The following SEH1L variants were observed in gnomAD, a reference collection of about 807,000 sequenced individuals.
SEH1L encodes the protein nucleoporin SEH1.
In SEH1L, 18 loss-of-function variants were observed where a neutral mutation model predicts 49.5. The observed-to-expected ratio is 0.36, with a 90% confidence interval of 0.25 to 0.54. The LOEUF (loss-of-function observed/expected upper bound fraction) is 0.54. Ranked by LOEUF, SEH1L falls within the 20% of genes least tolerant of loss-of-function variation. The probability of loss-of-function intolerance (pLI) is 0.87; values close to 1 mark genes in which losing one functional copy is unlikely to be tolerated. For missense variants in SEH1L, 404 were observed against 528.8 expected (o/e 0.76, Z 2.31); for synonymous variants, 169 against 178.1 (o/e 0.95, Z 0.41).
chr18:12,985,261 T>C (rs2032417189), intron 8 of SEH1L: 1 of 1,608,648 alleles, frequency 6.2e-7, no homozygotes, highest in African/African-American at 1.3e-5. Context: ...GAGTACAAGC[T>C]AACTGGAGTA....
intron 4 of SEH1L, among the ~76,000 whole-genome samples, chr18:12,970,673 C>T (rs1017691697): frequency 1.3e-5 from 2 of 152,168 alleles, no homozygotes; most frequent in Non-Finnish European, 2.9e-5. Flanking sequence ...GATCCTCTCT[C>T]CTGAGTCTCT....
intron 2 of SEH1L, among the ~76,000 whole-genome samples, chr18:12,953,374 G>A (rs1163359388): frequency 1.3e-5 from 2 of 152,200 alleles, no homozygotes; most frequent in Non-Finnish European, 2.9e-5. Context: ...AGATGCGTAG[G>A]AGTGGAATTG....
chr18:12,954,474 A>AT (rs955499282), intron 2 of SEH1L, among the ~76,000 whole-genome samples: 68 of 151,568 alleles, frequency 4.5e-4, no homozygotes, highest in Non-Finnish European at 5.9e-4. Flanking sequence ...GAAGCAAATA[A>AT]TTTTTTTTTG....
chr18:12,949,016 ATC>A (rs1568205763), intron 1 of SEH1L, among the ~76,000 whole-genome samples: 3 of 149,788 alleles, frequency 2.0e-5, no homozygotes, highest in African/African-American at 7.5e-5. Flanking sequence ...CCCCCGGCTA[ATC>A]TTTTTTTTTT....
chr18:12,981,539 A>C (rs1321745205), intron 6 of SEH1L, among the ~76,000 whole-genome samples: 1 of 152,262 alleles, frequency 6.6e-6, no homozygotes, highest in Non-Finnish European at 1.5e-5. Flanking sequence ...CTTTTAAATT[A>C]ATGTCATTTT....
At chr18:12,965,296 G>A (rs1269454795) in intron 4 of SEH1L, among the ~76,000 whole-genome samples, 1 of 152,192 alleles carries the variant, frequency 6.6e-6, no homozygotes, top group East Asian at 1.9e-4. Flanking sequence ...ACAGGCATGA[G>A]CCACCTCGCC....
intron 6 of SEH1L, among the ~76,000 whole-genome samples, chr18:12,981,339 G>A (rs956883730): frequency 4.0e-5 from 6 of 151,436 alleles, no homozygotes; most frequent in Non-Finnish European, 7.4e-5. Context: ...GCACTTTGGG[G>A]GGCCAAGGCA....
At chr18:12,951,378 A>G (rs938398290) in intron 1 of SEH1L, among the ~76,000 whole-genome samples, 6 of 152,038 alleles carry the variant, frequency 3.9e-5, no homozygotes, top group African/African-American at 1.4e-4. Flanking sequence ...CCAGTGCTTG[A>G]CACATTCAAG....
intron 6 of SEH1L, among the ~76,000 whole-genome samples, chr18:12,980,920 G>T (rs1344562789): frequency 6.7e-6 from 1 of 148,444 alleles, no homozygotes; most frequent in African/African-American, 2.5e-5. Flanking sequence ...CGGGCGGGGG[G>T]CTGACCCCCA....
rs769677753 is a variant in SEH1L at position 12,948,236 on chromosome 18, C to A, written c.111+4C>A. The A allele has an allele frequency of 1.6e-5, 26 of 1,606,620 alleles. No individual in the cohort carries two copies. Among genetic ancestry groups the A allele is most frequent in the Non-Finnish European group, 2.1e-5 (25 of 1,176,014 alleles). The stretch of plus-strand genomic sequence containing the variant: ...CTCCAGCGATCAGAGCGTTAAGGTG[C>A]GCGCGGCGCTTGCGGGCGGGGCCGA... On this transcript the variant is annotated splice_donor_region_variant and intron_variant, in intron 1 of 8. Coordinates refer to ENST00000399892, the MANE Select transcript of SEH1L (RefSeq NM_001013437.2).
intron 1 of SEH1L, chr18:12,948,801 G>C (rs1322268187): frequency 6.6e-6 from 1 of 151,402 alleles, no homozygotes; most frequent in African/African-American, 2.4e-5. Flanking sequence ...GTTTCTTGAA[G>C]TTCCCGTAAA....
In SEH1L at chr18:12,950,333, G is replaced by GCC. The variant is rs1233441051; in HGVS notation, c.112-1520_112-1519dup. 2.6e-5 allele frequency among the ~76,000 whole-genome samples: 4 copies of GCC among 152,236 alleles called. No individual in the cohort carries two copies. In the South Asian group the frequency reaches 8.3e-4, roughly 32 times the overall value. The stretch of plus-strand genomic sequence containing the variant: ...TTACAGGTGTGAGTCACCTTGCCCA[G>GCC]CCCTCTTAGGTCCATTTATTCCAGA... On this transcript the variant is annotated intron_variant, in intron 1 of 8. Coordinates refer to ENST00000399892, the MANE Select transcript of SEH1L (RefSeq NM_001013437.2).
intron 1 of SEH1L, among the ~76,000 whole-genome samples, chr18:12,949,015 AATC>A (rs2030315589): frequency 1.3e-5 from 2 of 151,292 alleles, no homozygotes; most frequent in African/African-American, 2.4e-5. Flanking sequence ...ACCCCCGGCT[AATC>A]TTTTTTTTTT....
intron 3 of SEH1L, among the ~76,000 whole-genome samples, chr18:12,962,389 AAT>A (rs2031219551): frequency 2.0e-5 from 3 of 148,356 alleles, no homozygotes; most frequent in African/African-American, 5.1e-5. Context: ...AAAAAAAAAA[AAT>A]AATAATAATA....
chr18:12,961,279 A>C (rs1390547436), intron 3 of SEH1L, among the ~76,000 whole-genome samples: 2 of 151,972 alleles, frequency 1.3e-5, no homozygotes, highest in African/African-American at 2.4e-5. Flanking sequence ...CAGTCATCCA[A>C]CTCCTCAGAT....
chr18:12,971,224 A>G lies in SEH1L; in HGVS notation c.593A>G (p.Gln198Arg). 2 of 1,613,382 alleles carry G rather than the reference A, an allele frequency of 1.2e-6. No individual in the cohort carries two copies. Among genetic ancestry groups the G allele is most frequent in the Non-Finnish European group, 1.7e-6 (2 of 1,179,290 alleles). ...DSSPNAMAKV[Q>R]IFEYNENTRK... ...AGCCCCAACGCAATGGCCAAGGTTC[A>G]GATTTTTGAATATAATGAAAACACC... Residue 198 changes from glutamine (Q) to arginine (R), a missense_variant, in exon 5 of 9, where the codon CAG becomes CGG. By Grantham distance (43) the Gln-to-Arg change is conservative. Coordinates refer to ENST00000399892, the MANE Select transcript of SEH1L (RefSeq NM_001013437.2).
At chr18:12,962,110 T>A (rs931361638) in intron 3 of SEH1L, among the ~76,000 whole-genome samples, 2 of 152,116 alleles carry the variant, frequency 1.3e-5, no homozygotes, top group Non-Finnish European at 2.9e-5. Flanking sequence ...TAAAAGTGCA[T>A]GGTAGCTGGG....
At chr18:12,965,417 GATTCTA>G (rs1207872478) in intron 4 of SEH1L, among the ~76,000 whole-genome samples, 4 of 152,104 alleles carry the variant, frequency 2.6e-5, no homozygotes, top group Admixed American at 2.0e-4. Context: ...ACTACAAATT[GATTCTA>G]AAAATTAAGT....
chr18:12,970,060 A>G (rs1427344434), intron 4 of SEH1L, among the ~76,000 whole-genome samples: 1 of 152,198 alleles, frequency 6.6e-6, no homozygotes, highest in African/African-American at 2.4e-5. Flanking sequence ...AATTTGATCT[A>G]ATTACCTGAA....
Sources: allele counts gnomAD v4.1 joint callset (sites outside exome capture counted in the v4.1 genomes callset), GRCh38; gene constraint gnomAD v4.1.1; transcripts MANE v1.5; gene names NCBI Gene and HGNC (gene_info 2026-07-23, HGNC 2026-07-21).